Variants in OR2M4 observed in about 807,000 individuals in gnomAD.
The protein encoded by OR2M4 is olfactory receptor 2M4.
A neutral mutation model predicts 13.7 loss-of-function variants in OR2M4; 8 were observed. The observed-to-expected ratio is 0.58, with a 90% CI of 0.34 to 1.05. OR2M4 has a LOEUF of 1.05. OR2M4 is among the 50% of genes least tolerant of loss of function. OR2M4 has a pLI of 0.02. For synonymous variants in OR2M4, 152 were observed against 141.3 expected (o/e 1.08, Z -0.53); for missense variants, 374 against 381.6 (o/e 0.98, Z 0.17).
Position 248,239,653 on chromosome 1 carries a change from C to T in OR2M4, c.725C>T (p.Ser242Phe), listed in dbSNP as rs749452932. The T allele has an allele frequency of 1.9e-6, 3 of 1,614,096 alleles. No individual in the cohort carries two copies. Among genetic ancestry groups the T allele is most frequent in the Admixed American group, 3.3e-5 (2 of 60,018 alleles). Residue 242 changes from serine (S) to phenylalanine (F), a missense_variant, in exon 2 of 2, where the codon TCC becomes TTC. Ser to Phe is a radical substitution (Grantham distance 155, BLOSUM62 -2). Coordinates refer to ENST00000641868, the MANE Select transcript of OR2M4 (RefSeq NM_017504.2). The stretch of plus-strand genomic sequence containing the variant: ...CGTCGCAAGGCCTTCACTACCTGCT[C>T]CTCCCACCTGTCTGTGGTCGGACTC... ...ESRRKAFTTC[S>F]SHLSVVGLYY...
rs1475180324 is a variant in OR2M4, at chr1:248,239,824, G to C, written c.896G>C (p.Arg299Thr). The C allele has an allele frequency of 6.2e-7, 1 of 1,612,740 alleles. No homozygotes were observed. Among genetic ancestry groups the C allele is most frequent in the South Asian group, 1.1e-5 (1 of 90,754 alleles). ...IYSLRNKEVFRALQKVLKKRK... is the reference protein window; with the variant it reads ...IYSLRNKEVFTALQKVLKKRK... The stretch of plus-strand genomic sequence containing the variant: ...AGCCTCCGCAACAAAGAAGTGTTCA[G>C]GGCACTACAGAAGGTACTGAAGAAA... The change falls in exon 2 of 2, where the codon AGG (arginine) becomes ACG (threonine). Residue 299 changes from arginine to threonine, a missense_variant. By Grantham distance (71) the Arg-to-Thr change is moderately conservative. Coordinates refer to ENST00000641868, the MANE Select transcript of OR2M4 (RefSeq NM_017504.2).
At position 248,241,138 on chromosome 1, in the gene OR2M4, A is replaced by G. The variant is rs1397661557; in HGVS notation, c.*1274A>G. ...GGACTGTGCGGCGGGCACGTGAACTACAGAGACAGCAGCTGGGGCAACTGA... is the reference window on the plus strand; with the variant it reads ...GGACTGTGCGGCGGGCACGTGAACTGCAGAGACAGCAGCTGGGGCAACTGA... On this transcript the variant is annotated 3_prime_UTR_variant, in exon 2 of 2. Coordinates refer to ENST00000641868, the MANE Select transcript of OR2M4 (RefSeq NM_017504.2). 6.6e-6 allele frequency: 1 copy of G among 152,178 alleles called. No individual in the cohort carries two copies. Among genetic ancestry groups the G allele is most frequent in the East Asian group, 1.9e-4 (1 of 5,196 alleles). The allele number at this position is 152,178 out of a possible 1,614,324, so 9.4% of individuals were successfully genotyped here.
chr1:248,235,077 C>T (rs1462731208), intron 1 of OR2M4, among the ~76,000 whole-genome samples: 1 of 152,052 alleles, frequency 6.6e-6, no homozygotes, highest in African/African-American at 2.4e-5. Flanking sequence ...AAAACCTTTG[C>T]CCATGCCTAT....
chr1:248,233,622 A>G (rs1001144411), intron 1 of OR2M4, among the ~76,000 whole-genome samples: 3 of 152,176 alleles, frequency 2.0e-5, no homozygotes, highest in African/African-American at 7.2e-5. Context: ...ATGCAAAAAT[A>G]TTGATGTTTC....
intron 1 of OR2M4, among the ~76,000 whole-genome samples, chr1:248,233,275 G>T (rs1435422462): frequency 6.6e-6 from 1 of 152,078 alleles, no homozygotes; most frequent in South Asian, 2.1e-4. Context: ...GTTGTGATAG[G>T]CATATGCCAC....
chr1:248,238,785 GA>G (rs1205553036), intron 1 of OR2M4, 124 bp from the exon 2 acceptor site: 11 of 600,730 alleles, frequency 1.8e-5, no homozygotes, highest in Non-Finnish European at 3.0e-5. Context: ...ATGACTAAAG[GA>G]AGGTAACTGA....
rs1375266437 is a variant in OR2M4, at chr1:248,239,829, C to T, written c.901C>T (p.Leu301=). 3.1e-6 allele frequency: 5 copies of T among 1,609,796 alleles called. No individual in the cohort carries two copies. Among genetic ancestry groups the T allele is most frequent in the Non-Finnish European group, 4.2e-6 (5 of 1,178,500 alleles). Reference sequence around the variant, plus strand: ...CCGCAACAAAGAAGTGTTCAGGGCACTACAGAAGGTACTGAAGAAAAGAAA... The same window carrying T: ...CCGCAACAAAGAAGTGTTCAGGGCATTACAGAAGGTACTGAAGAAAAGAAA... ...SLRNKEVFRA[L]QKVLKKRKLI The change falls in exon 2 of 2, where the codon CTA becomes TTA. Residue 301 remains leucine (L), a synonymous_variant. Coordinates refer to ENST00000641868, the MANE Select transcript of OR2M4 (RefSeq NM_017504.2).
At chr1:248,237,787 A>G (rs1479781643) in intron 1 of OR2M4, among the ~76,000 whole-genome samples, 1 of 152,246 alleles carries the variant, frequency 6.6e-6, no homozygotes, top group African/African-American at 2.4e-5. Context: ...ACCTGGAAGC[A>G]TTCCCTCTGA....
chr1:248,235,646 T>G (rs910844273), intron 1 of OR2M4, among the ~76,000 whole-genome samples: 4 of 152,168 alleles, frequency 2.6e-5, no homozygotes, highest in Non-Finnish European at 5.9e-5. Flanking sequence ...GGAATATTTT[T>G]CCATTTGTTA....
intron 1 of OR2M4, among the ~76,000 whole-genome samples, chr1:248,232,292 GTGGT>G (rs1558260169): frequency 6.6e-6 from 1 of 152,084 alleles, no homozygotes; most frequent in East Asian, 1.9e-4. Context: ...GCTACAATAT[GTGGT>G]TGGAAATCTT....
In OR2M4 at chr1:248,242,096, C is replaced by T. The variant is rs2103023993; in HGVS notation, c.*2232C>T. 1 of 152,148 alleles carries T rather than the reference C, an allele frequency of 6.6e-6. No homozygotes were observed. Among genetic ancestry groups the T allele is most frequent in the Non-Finnish European group, 1.5e-5 (1 of 68,008 alleles). The allele number at this position is 152,148 out of a possible 1,614,324, so 9.4% of individuals were successfully genotyped here. A position where few individuals can be genotyped will look rare whatever the true frequency, so the allele number is the denominator to read the frequency against. On this transcript the variant is annotated 3_prime_UTR_variant, in exon 2 of 2. Transcript: ENST00000641868. ...GTTTTTGGAAGCAGAATATATGTGT[C>T]GTGGGTACAGTTGCTCAATTTATTC... is the stretch of plus-strand genomic sequence containing the variant.
rs903226837 is a variant in OR2M4, at chr1:248,243,306, T to C, written c.*3442T>C. On this transcript the variant is annotated 3_prime_UTR_variant, in exon 2 of 2. Transcript: ENST00000641868. ...GAAGTTTGGGCTGTAATCCAGTAGA[T>C]GGCGCCTAAGAGTAATGCCCGTAGA... 6.6e-6 allele frequency: 1 copy of C among 152,202 alleles called. No homozygotes were observed. The highest frequency in any genetic ancestry group is 1.5e-5 in the Non-Finnish European group (1 of 68,042). 9.4% of individuals were successfully genotyped at this position (152,202 alleles called of 1,614,324 possible).
At chr1:248,237,544 T>C (rs1666571103) in intron 1 of OR2M4, among the ~76,000 whole-genome samples, 1 of 151,340 alleles carries the variant, frequency 6.6e-6, no homozygotes, top group African/African-American at 2.4e-5. Flanking sequence ...TCTCAGCTAC[T>C]TGGGAGGCTG....
chr1:248,239,837 G>A lies in OR2M4; in HGVS notation c.909G>A (p.Lys303=), dbSNP rs919049390. Residue 303 remains lysine, a synonymous_variant, in exon 2 of 2, where the codon AAG becomes AAA. Transcript: ENST00000641868. ...RNKEVFRALQ[K]VLKKRKLI ...AAGAAGTGTTCAGGGCACTACAGAA[G>A]GTACTGAAGAAAAGAAAGTTAATAT... The A allele has an allele frequency of 3.1e-6, 5 of 1,600,830 alleles. No individual in the cohort carries two copies. The African/African-American group carries it at 5.4e-5, about 17-fold the overall frequency.
rs1666640648 is a variant in OR2M4 at position 248,243,734 on chromosome 1, G to T, written c.*3870G>T. ...ATTAAAGAGCTTCTTCACAGCAACAGAAATTATCAGCAGAGTAAACAGACA... is the reference window on the plus strand; with the variant it reads ...ATTAAAGAGCTTCTTCACAGCAACATAAATTATCAGCAGAGTAAACAGACA... On this transcript the variant is annotated 3_prime_UTR_variant, in exon 2 of 2. Coordinates refer to ENST00000641868, the MANE Select transcript of OR2M4 (RefSeq NM_017504.2). The T allele has an allele frequency of 6.6e-6, 1 of 152,182 alleles. No homozygotes were observed. Among genetic ancestry groups the T allele is most frequent in the African/African-American group, 2.4e-5 (1 of 41,430 alleles). The allele number at this position is 152,182 out of a possible 1,614,324, so 9.4% of individuals were successfully genotyped here.
rs567600397 is a variant in OR2M4 at position 248,243,847 on chromosome 1, C to T, written c.*3983C>T. On this transcript the variant is annotated 3_prime_UTR_variant, in exon 2 of 2. Coordinates refer to ENST00000641868, the MANE Select transcript of OR2M4 (RefSeq NM_017504.2). ...TCTATACGGAACTTAAGTCAACAAGCAAAACCCCATTAAATAATCCCATTA... is the reference window on the plus strand; with the variant it reads ...TCTATACGGAACTTAAGTCAACAAGTAAAACCCCATTAAATAATCCCATTA... 1.3e-5 allele frequency: 2 copies of T among 152,126 alleles called. No individual in the cohort carries two copies. Among genetic ancestry groups the T allele is most frequent in the Non-Finnish European group, 2.9e-5 (2 of 68,026 alleles). 9.4% of individuals were successfully genotyped at this position (152,126 alleles called of 1,614,324 possible).
intron 1 of OR2M4, among the ~76,000 whole-genome samples, chr1:248,232,496 T>G (rs1666514616): frequency 1.3e-5 from 2 of 152,112 alleles, no homozygotes; most frequent in Admixed American, 1.3e-4. Flanking sequence ...TCTTTTTATT[T>G]CTATTTTAGC....
At position 248,238,943 on chromosome 1, in the gene OR2M4, C is replaced by T. The variant is rs904944396; in HGVS notation, c.15C>T (p.Asn5=). The change falls in exon 2 of 2, where the codon AAC becomes AAT. Residue 5 remains asparagine, a synonymous_variant. Coordinates refer to ENST00000641868, the MANE Select transcript of OR2M4 (RefSeq NM_017504.2). ...AATTATCCAGGATGGTGTGGGAAAA[C>T]CAGACCTTCAACTCCATCTTCATCC... MVWE[N]QTFNSIFILL... The T allele has an allele frequency of 3.1e-6, 5 of 1,596,884 alleles. No homozygotes were observed. Among genetic ancestry groups the T allele is most frequent in the Non-Finnish European group, 4.3e-6 (5 of 1,172,486 alleles).
Position 248,239,837 on chromosome 1 carries a change from G to T in OR2M4, c.909G>T (p.Lys303Asn). 6.2e-7 allele frequency: 1 copy of T among 1,600,948 alleles called. No homozygotes were observed. Among genetic ancestry groups the T allele is most frequent in the Non-Finnish European group, 8.5e-7 (1 of 1,175,126 alleles). The change falls in exon 2 of 2, where the codon AAG becomes AAT. Residue 303 changes from lysine to asparagine, a missense_variant. Transcript: ENST00000641868. ...RNKEVFRALQKVLKKRKLI is the reference protein window; with the variant it reads ...RNKEVFRALQNVLKKRKLI ...AAGAAGTGTTCAGGGCACTACAGAAGGTACTGAAGAAAAGAAAGTTAATAT... is the reference window on the plus strand; with the variant it reads ...AAGAAGTGTTCAGGGCACTACAGAATGTACTGAAGAAAAGAAAGTTAATAT...
Sources: gnomAD v4.1 joint callset for allele counts (sites outside exome capture counted in the v4.1 genomes callset) on GRCh38, gnomAD v4.1.1 for gene constraint, MANE v1.5 for transcripts, NCBI Gene and HGNC (gene_info 2026-07-23, HGNC 2026-07-21) for gene names.